Variants in AATF observed in about 807,000 individuals in gnomAD.
AATF encodes protein AATF.
In AATF, 48 loss-of-function variants were observed where a neutral mutation model predicts 63.7. The observed-to-expected ratio is 0.75, with a 90% confidence interval of 0.60 to 0.96. The LOEUF (loss-of-function observed/expected upper bound fraction) is 0.96. Among genes scored for constraint, AATF ranks in the 40% least tolerant of loss-of-function variants. The pLI, the probability that AATF is intolerant of heterozygous loss-of-function variation, is 0.00. For synonymous variants in AATF, 258 were observed against 247.7 expected (o/e 1.04, Z -0.39); for missense variants, 639 against 685.7 (o/e 0.93, Z 0.76).
chr17:37,013,781 T>C (rs753654437), intron 8 of AATF, among the ~76,000 whole-genome samples: 3 of 152,206 alleles, frequency 2.0e-5, no homozygotes, highest in Non-Finnish European at 4.4e-5. Context: ...TTCTTACAAA[T>C]TTGTTTTTTC....
At chr17:37,002,400 C>G (rs371576656) in intron 8 of AATF, among the ~76,000 whole-genome samples, 5 of 151,514 alleles carry the variant, frequency 3.3e-5, no homozygotes, top group African/African-American at 9.7e-5. Flanking sequence ...GGGCATGGTG[C>G]CTCACACCTG....
rs1456333910 is a variant in AATF at position 36,952,991 on chromosome 17, G to A, written c.389G>A (p.Cys130Tyr). The A allele has an allele frequency of 3.1e-6, 5 of 1,614,076 alleles. No homozygotes were observed. The highest frequency in any genetic ancestry group is 2.2e-5 in the East Asian group (1 of 44,904). ...CTGGGTGCTGCTGAGGAACAGGAGT[G>A]TGGTGATCACAGGGAGAGCAAGAAG... ...DDLGAAEEQE[C>Y]GDHRESKKSR... Residue 130 changes from cysteine to tyrosine, a missense_variant, in exon 3 of 12, where the codon TGT becomes TAT. Physicochemically the swap from Cys to Tyr is radical, Grantham distance 194. Transcript: ENST00000619387.
chr17:37,052,118 T>C (rs1225057512), intron 11 of AATF: 2 of 152,170 alleles, frequency 1.3e-5, no homozygotes, highest in African/African-American at 4.8e-5. Flanking sequence ...GTGTGTGTGC[T>C]GGGGGGTGGG....
intron 11 of AATF, among the ~76,000 whole-genome samples, chr17:37,051,881 C>T (rs1469473303): frequency 2.0e-5 from 3 of 152,014 alleles, no homozygotes; most frequent in East Asian, 1.9e-4. Flanking sequence ...GGTAATTATC[C>T]CCTCTACAGC....
At chr17:37,003,402 A>G (rs938089675) in intron 8 of AATF, among the ~76,000 whole-genome samples, 2 of 152,034 alleles carry the variant, frequency 1.3e-5, no homozygotes, top group African/African-American at 4.8e-5. Flanking sequence ...TAGATTAAGT[A>G]AGATGAGGGC....
chr17:36,990,240 G>A (rs1189721096), intron 7 of AATF, among the ~76,000 whole-genome samples: 1 of 152,052 alleles, frequency 6.6e-6, no homozygotes, highest in East Asian at 1.9e-4. Context: ...TCATTACCTA[G>A]AGAGCTACCT....
chr17:36,979,787 C>T (rs1285643717), intron 4 of AATF, among the ~76,000 whole-genome samples: 1 of 152,124 alleles, frequency 6.6e-6, no homozygotes, highest in Non-Finnish European at 1.5e-5. Context: ...ACTGTGTGTC[C>T]ATGCCCAAAC....
Position 36,948,989 on chromosome 17 carries a change from G to T in AATF, c.-137G>T. On this transcript the variant is annotated 5_prime_UTR_variant, in exon 1 of 12. Transcript: ENST00000619387. ...GAAGTGGCCGGTCCAGAGCTGTGGG[G>T]TGGCCTCCGCGCGGTCTCTGGCGGA... is the stretch of plus-strand genomic sequence containing the variant. 1 of 785,826 alleles carries T rather than the reference G, an allele frequency of 1.3e-6. No individual in the cohort carries two copies. The allele number at this position is 785,826 out of a possible 1,614,324, so 48.7% of individuals were successfully genotyped here.
intron 5 of AATF, 27 bp from the exon 6 acceptor site, chr17:36,988,492 G>A: frequency 6.2e-7 from 1 of 1,607,834 alleles, no homozygotes; most frequent in South Asian, 1.1e-5. Flanking sequence ...GTTTACACTG[G>A]ACATAATATT....
At chr17:37,021,073 A>T (rs934678523) in intron 10 of AATF, 59 bp downstream of exon 10, 6 of 1,222,934 alleles carry the variant, frequency 4.9e-6, no homozygotes, top group African/African-American at 4.7e-5. Flanking sequence ...CGTCTCTTAC[A>T]TTCTGGCTGT....
At chr17:36,971,171 C>G (rs909798181) in intron 4 of AATF, among the ~76,000 whole-genome samples, 1 of 151,996 alleles carries the variant, frequency 6.6e-6, no homozygotes, top group Non-Finnish European at 1.5e-5. Context: ...TTGCAGATCA[C>G]ATAATTAACA....
chr17:36,979,584 G>C (rs2071105143), intron 4 of AATF, among the ~76,000 whole-genome samples: 1 of 152,124 alleles, frequency 6.6e-6, no homozygotes. Flanking sequence ...GTATTTATCT[G>C]GGGTAATATG....
At chr17:36,992,846 A>G (rs970220345) in intron 8 of AATF, among the ~76,000 whole-genome samples, 1 of 152,212 alleles carries the variant, frequency 6.6e-6, no homozygotes, top group Non-Finnish European at 1.5e-5. Flanking sequence ...AGTGAAACAA[A>G]TGGGGCTGCC....
intron 4 of AATF, among the ~76,000 whole-genome samples, chr17:36,976,576 A>G (rs2071081571): frequency 6.6e-6 from 1 of 152,200 alleles, no homozygotes; most frequent in Admixed American, 6.5e-5. Context: ...CAAGGAAGAT[A>G]TTAGGATGTT....
intron 10 of AATF, among the ~76,000 whole-genome samples, chr17:37,027,468 A>G (rs1387227783): frequency 1.3e-5 from 2 of 152,160 alleles, no homozygotes; most frequent in African/African-American, 2.4e-5. Context: ...CCTGTATTTC[A>G]TCATGTAGTT....
rs183060752 is a variant in AATF, at chr17:36,985,475, G to T, written c.833-1142G>T. 2.0e-3 allele frequency among the ~76,000 whole-genome samples: 299 copies of T among 150,590 alleles called. 1 individual carries two copies. The highest frequency in any genetic ancestry group is 2.2e-3 in the Non-Finnish European group (146 of 67,646). On this transcript the variant is annotated intron_variant, in intron 4 of 11. Coordinates refer to ENST00000619387, the MANE Select transcript of AATF (RefSeq NM_012138.4). ...TTTTTTTTTTTTGGTTAGAGCCGGG[G>T]TCTCACTGTGTTGCTGAGGCTGGTC...
At chr17:37,040,747 T>TCC (rs11382307) in intron 11 of AATF, among the ~76,000 whole-genome samples, 103 of 149,670 alleles carry the variant, frequency 6.9e-4, no homozygotes, top group African/African-American at 2.5e-3. Context: ...TTAAAATGCT[T>TCC]CCCCCCCCAC....
In AATF at chr17:36,950,290, T is replaced by C. The variant is rs200696966; in HGVS notation, c.168T>C (p.Ile56=). ...GTGATTTCCTAGTAGTGGGTAGCAT[T>C]AGAAAACTGGCATCAGCCTCCCTCT... The part of the protein sequence containing the change: ...GEGDFLVVGS[I]RKLASASLLD... The change falls in exon 2 of 12, where the codon ATT becomes ATC. Residue 56 remains isoleucine, a synonymous_variant. Coordinates refer to ENST00000619387, the MANE Select transcript of AATF (RefSeq NM_012138.4). 6.2e-7 allele frequency: 1 copy of C among 1,614,164 alleles called. No individual in the cohort carries two copies. The highest frequency in any genetic ancestry group is 8.5e-7 in the Non-Finnish European group (1 of 1,180,036).
intron 4 of AATF, among the ~76,000 whole-genome samples, chr17:36,980,589 A>G (rs1567972082): frequency 6.6e-6 from 1 of 152,244 alleles, no homozygotes; most frequent in South Asian, 2.1e-4. Flanking sequence ...TTGAACAGCT[A>G]GAATTCAGTC....
Sources: gnomAD v4.1 joint callset for allele counts (sites outside exome capture counted in the v4.1 genomes callset) on GRCh38, gnomAD v4.1.1 for gene constraint, MANE v1.5 for transcripts, NCBI Gene and HGNC (gene_info 2026-07-23, HGNC 2026-07-21) for gene names.